MEX3A: variants seen among roughly 807,000 people sequenced by gnomAD.
The protein encoded by MEX3A is RNA-binding protein MEX3A.
MEX3A carries 4 observed loss-of-function variants against 30.0 expected under a neutral mutation model. The observed-to-expected ratio is 0.13, with a 90% CI of 0.07 to 0.30. The LOEUF is 0.30. Ranked by LOEUF, MEX3A falls within the 10% of genes least tolerant of loss-of-function variation. The pLI is 1.00. For missense variants in MEX3A, 555 were observed against 736.7 expected (o/e 0.75, Z 2.86); for synonymous variants, 335 against 327.6 (o/e 1.02, Z -0.24).
In MEX3A at chr1:156,076,745, G is replaced by C; in HGVS notation, c.1392C>G (p.Gly464=). The stretch of plus-strand genomic sequence containing the variant: ...AGCAGACCATGCAATCCCGCCCGCC[G>C]CCGGGGCTCCGCAGGCCGCCCCCAC... ...KLGGGGLRSP[G]GGRDCMVCFE... is the part of the protein sequence containing the mutation. The change falls in exon 2 of 2, where the codon GGC becomes GGG. Residue 464 remains glycine, a synonymous_variant. Coordinates refer to ENST00000532414, the MANE Select transcript of MEX3A (RefSeq NM_001093725.2). The surrounding 1 kb of genome is among the most constrained non-coding windows in gnomAD (Gnocchi z 6.0). 4 of 1,606,646 alleles carry C rather than the reference G, an allele frequency of 2.5e-6. No homozygotes were observed. The highest frequency in any genetic ancestry group is 3.4e-6 in the Non-Finnish European group (4 of 1,176,612).
intron 1 of MEX3A, among the ~76,000 whole-genome samples, chr1:156,080,207 G>A (rs1173592294): frequency 6.6e-6 from 1 of 152,088 alleles, no homozygotes; most frequent in African/African-American, 2.4e-5. Flanking sequence ...CCAGGGCTTT[G>A]GATCCCCAGT....
chr1:156,077,597 T>G lies in MEX3A; in HGVS notation c.540A>C (p.Thr180=). The change falls in exon 2 of 2, where the codon ACA becomes ACC. Residue 180 remains threonine (T), a synonymous_variant. Coordinates refer to ENST00000532414, the MANE Select transcript of MEX3A (RefSeq NM_001093725.2). This position sits in a 1 kb window ranked among gnomAD's most constrained non-coding sequence, Gnocchi z 8.3. The part of the protein sequence containing the change: ...VRGEEPVFMV[T]GRREDVATAR... ...CTGTGGCCACGTCCTCCCGTCGCCCTGTCACCATGAACACTGGTTCCTCGC... is the reference window on the plus strand; with the variant it reads ...CTGTGGCCACGTCCTCCCGTCGCCCGGTCACCATGAACACTGGTTCCTCGC... The G allele has an allele frequency of 6.2e-7, 1 of 1,611,312 alleles. No homozygotes were observed. Among genetic ancestry groups the G allele is most frequent in the East Asian group, 2.2e-5 (1 of 44,872 alleles).
chr1:156,076,886 C>T lies in MEX3A; in HGVS notation c.1251G>A (p.Lys417=). The change falls in exon 2 of 2, where the codon AAG becomes AAA. Residue 417 remains lysine (K), a synonymous_variant. Coordinates refer to ENST00000532414, the MANE Select transcript of MEX3A (RefSeq NM_001093725.2). This position sits in a 1 kb window ranked among gnomAD's most constrained non-coding sequence, Gnocchi z 6.0. ...GTGCGCCCGGGGGCCCAGCGCGGGCCTTGGCGGAAGAGGAGGAGGAGGAGG... is the reference window on the plus strand; with the variant it reads ...GTGCGCCCGGGGGCCCAGCGCGGGCTTTGGCGGAAGAGGAGGAGGAGGAGG... ...SASSSSSSSA[K]ARAGPPGAHR... The T allele has an allele frequency of 1.3e-6, 2 of 1,547,820 alleles. No homozygotes were observed. Among genetic ancestry groups the T allele is most frequent in the Non-Finnish European group, 1.7e-6 (2 of 1,146,698 alleles).
In MEX3A at chr1:156,076,386, A is replaced by T; in HGVS notation, c.*188T>A. On this transcript the variant is annotated 3_prime_UTR_variant, in exon 2 of 2. Transcript: ENST00000532414. The surrounding 1 kb of genome is among the most constrained non-coding windows in gnomAD (Gnocchi z 6.0). ...CTGGCCCCCTCCCAATCTTTCCAGG[A>T]CAGGGTGACCAGAGGCTCTGAAAGT... is the stretch of plus-strand genomic sequence containing the variant. 1 of 588,728 alleles carries T rather than the reference A, an allele frequency of 1.7e-6. No homozygotes were observed. Among genetic ancestry groups the T allele is most frequent in the Non-Finnish European group, 2.9e-6 (1 of 346,934 alleles). 36.5% of individuals were successfully genotyped at this position (588,728 alleles called of 1,614,324 possible).
chr1:156,078,207 CT>C (rs779261763), intron 1 of MEX3A, among the ~76,000 whole-genome samples: 3 of 152,116 alleles, frequency 2.0e-5, no homozygotes, highest in Admixed American at 6.6e-5. Flanking sequence ...TAAAAGTGTC[CT>C]CCAAACTACC....
chr1:156,078,113 C>T (rs990483613), intron 1 of MEX3A, among the ~76,000 whole-genome samples: 1 of 152,188 alleles, frequency 6.6e-6, no homozygotes, highest in African/African-American at 2.4e-5. Context: ...AATCACCCCC[C>T]ACATCTGTCA....
Position 156,076,943 on chromosome 1 carries a change from G to A in MEX3A, c.1194C>T (p.Ala398=), listed in dbSNP as rs1245721793. The change falls in exon 2 of 2, where the codon GCC becomes GCT. Residue 398 remains alanine (A), a synonymous_variant. Transcript: ENST00000532414. This position sits in a 1 kb window ranked among gnomAD's most constrained non-coding sequence, Gnocchi z 6.0. ...SPPLWAGQEN[A]TPTSVLFSSA... ...AGGAGAAGAGCACGGAGGTGGGCGTGGCGTTCTCCTGGCCCGCCCACAGCG... is the reference window on the plus strand; with the variant it reads ...AGGAGAAGAGCACGGAGGTGGGCGTAGCGTTCTCCTGGCCCGCCCACAGCG... The A allele has an allele frequency of 6.2e-7, 1 of 1,606,230 alleles. No individual in the cohort carries two copies. Among genetic ancestry groups the A allele is most frequent in the Non-Finnish European group, 8.5e-7 (1 of 1,176,398 alleles).
rs1345090953 is a variant in MEX3A, at chr1:156,082,093, G to A, written c.-95C>T. 1 of 266,940 alleles carries A rather than the reference G, an allele frequency of 3.7e-6. No homozygotes were observed. The highest frequency in any genetic ancestry group is 7.0e-6 in the Non-Finnish European group (1 of 143,550). The allele number at this position is 266,940 out of a possible 1,614,324, so 16.5% of individuals were successfully genotyped here. A position where few individuals can be genotyped will look rare whatever the true frequency, so the allele number is the denominator to read the frequency against. On this transcript the variant is annotated 5_prime_UTR_variant, in exon 1 of 2. Transcript: ENST00000532414. ...GAGAGGAGGGGAGGGGAGAGGAGAG[G>A]AGGGGGTGTGTGGGGAGGGGGGAAC...
In MEX3A at chr1:156,075,317, GTC is replaced by G. The variant is rs1648025992; in HGVS notation, c.*1255_*1256del. On this transcript the variant is annotated 3_prime_UTR_variant, in exon 2 of 2. Transcript: ENST00000532414. ...GGTCAGGTTGAGAGGGGTGCAGGGA[GTC>G]GGGCACTGCATGGGAGGAGCAGCTC... 3 of 152,382 alleles carry G rather than the reference GTC, an allele frequency of 2.0e-5. No individual in the cohort carries two copies. The highest frequency in any genetic ancestry group is 7.2e-5 in the African/African-American group (3 of 41,438). 9.4% of individuals were successfully genotyped at this position (152,382 alleles called of 1,614,324 possible). A position where few individuals can be genotyped will look rare whatever the true frequency, so the allele number is the denominator to read the frequency against.
At position 156,077,339 on chromosome 1, in the gene MEX3A, G is replaced by T; in HGVS notation, c.798C>A (p.Pro266=). The change falls in exon 2 of 2, where the codon CCC becomes CCA. Residue 266 remains proline (P), a synonymous_variant. Coordinates refer to ENST00000532414, the MANE Select transcript of MEX3A (RefSeq NM_001093725.2). This position sits in a 1 kb window ranked among gnomAD's most constrained non-coding sequence, Gnocchi z 8.3. ...CTGGGGCACCCGTGATCTCGAACAC[G>T]GGGTCGCGGTCACGGCTTGGTGTGA... ...YIITPSRDRD[P]VFEITGAPGN... The T allele has an allele frequency of 6.2e-7, 1 of 1,613,868 alleles. No individual in the cohort carries two copies.
In MEX3A at chr1:156,081,541, T is replaced by G. The variant is rs765912171; in HGVS notation, c.454+4A>C. ...CCTCTCAGTGGTCCCGGCGCCCCGC[T>G]TACCTTGCCTGCCCACGATCTCGGC... On this transcript the variant is annotated splice_donor_region_variant and intron_variant, in intron 1 of 1. Transcript: ENST00000532414. The G allele has an allele frequency of 6.2e-7, 1 of 1,603,930 alleles. No homozygotes were observed. The highest frequency in any genetic ancestry group is 8.5e-7 in the Non-Finnish European group (1 of 1,176,890).
At position 156,081,610 on chromosome 1, in the gene MEX3A, C is replaced by T; in HGVS notation, c.389G>A (p.Ser130Asn). ...KEAELRLKGS[S>N]NTTECVPVPT... ...CACGGGAACACACTCCGTGGTGTTG[C>T]TGCTGCCCTTCAGGCGCAGCTCGGC... Residue 130 changes from serine to asparagine, a missense_variant, in exon 1 of 2, where the codon AGC becomes AAC. Transcript: ENST00000532414. 6.3e-7 allele frequency: 1 copy of T among 1,582,918 alleles called. No homozygotes were observed. The highest frequency in any genetic ancestry group is 8.6e-7 in the Non-Finnish European group (1 of 1,167,102).
Position 156,072,562 on chromosome 1 carries a change from G to C in MEX3A, c.*4012C>G, listed in dbSNP as rs1479363693. 1 of 152,754 alleles carries C rather than the reference G, an allele frequency of 6.5e-6. No homozygotes were observed. The highest frequency in any genetic ancestry group is 2.4e-5 in the African/African-American group (1 of 41,428). The allele number at this position is 152,754 out of a possible 1,614,324, so 9.5% of individuals were successfully genotyped here. On this transcript the variant is annotated 3_prime_UTR_variant, in exon 2 of 2. Coordinates refer to ENST00000532414, the MANE Select transcript of MEX3A (RefSeq NM_001093725.2). Reference sequence around the variant, plus strand: ...CCCTCCAACCCCTTGGATAGGAGGGGAAGGCCCAGTGATTGCAAGCTGGGG... The same window carrying C: ...CCCTCCAACCCCTTGGATAGGAGGGCAAGGCCCAGTGATTGCAAGCTGGGG...
rs143845685 is a variant in MEX3A at position 156,076,945 on chromosome 1, C to T, written c.1192G>A (p.Ala398Thr). 5.9e-5 allele frequency: 95 copies of T among 1,606,522 alleles called. No homozygotes were observed. The highest frequency in any genetic ancestry group is 1.7e-4 in the Middle Eastern group (1 of 6,032). ...GAGAAGAGCACGGAGGTGGGCGTGG[C>T]GTTCTCCTGGCCCGCCCACAGCGGG... Reference protein sequence around the residue: ...SPPLWAGQENATPTSVLFSSA... With the variant: ...SPPLWAGQENTTPTSVLFSSA... Residue 398 changes from alanine (A) to threonine (T), a missense_variant, in exon 2 of 2, where the codon GCC (alanine) becomes ACC (threonine). Coordinates refer to ENST00000532414, the MANE Select transcript of MEX3A (RefSeq NM_001093725.2). This position sits in a 1 kb window ranked among gnomAD's most constrained non-coding sequence, Gnocchi z 6.0.
chr1:156,080,966 A>C (rs925686352), intron 1 of MEX3A, among the ~76,000 whole-genome samples: 2 of 152,042 alleles, frequency 1.3e-5, no homozygotes, highest in Non-Finnish European at 2.9e-5. Context: ...GGTGTGGGTG[A>C]CCACAGGACC....
At chr1:156,079,095 T>C (rs1648150265) in intron 1 of MEX3A, among the ~76,000 whole-genome samples, 1 of 152,178 alleles carries the variant, frequency 6.6e-6, no homozygotes, top group African/African-American at 2.4e-5. Context: ...CCCTCCAACC[T>C]GAGACCTGAG....
At position 156,077,186 on chromosome 1, in the gene MEX3A, G is replaced by A. The variant is rs939125089; in HGVS notation, c.951C>T (p.Tyr317=). ...GCTGGTGCACCCGCCAGGCGTCGGAGTAGCGGCTATCGATTGCTGCGTCGG... is the reference window on the plus strand; with the variant it reads ...GCTGGTGCACCCGCCAGGCGTCGGAATAGCGGCTATCGATTGCTGCGTCGG... ...GSPDAAIDSR[Y]SDAWRVHQPG... Residue 317 remains tyrosine (Y), a synonymous_variant, in exon 2 of 2, where the codon TAC becomes TAT. Coordinates refer to ENST00000532414, the MANE Select transcript of MEX3A (RefSeq NM_001093725.2). This position sits in a 1 kb window ranked among gnomAD's most constrained non-coding sequence, Gnocchi z 8.3. 2 of 1,613,556 alleles carry A rather than the reference G, an allele frequency of 1.2e-6. No individual in the cohort carries two copies. Among genetic ancestry groups the A allele is most frequent in the Admixed American group, 3.3e-5 (2 of 60,032 alleles).
Position 156,077,621 on chromosome 1 carries a change from G to A in MEX3A, c.516C>T (p.Gly172=). The A allele has an allele frequency of 1.9e-6, 3 of 1,608,148 alleles. No individual in the cohort carries two copies. Among genetic ancestry groups the A allele is most frequent in the Non-Finnish European group, 2.5e-6 (3 of 1,179,426 alleles). Reference sequence around the variant, plus strand: ...CTGTCACCATGAACACTGGTTCCTCGCCCCTCACCGGTGTCTTGATGTAGG... The same window carrying A: ...CTGTCACCATGAACACTGGTTCCTCACCCCTCACCGGTGTCTTGATGTAGG... ...TNTYIKTPVR[G]EEPVFMVTGR... The change falls in exon 2 of 2, where the codon GGC becomes GGT. Residue 172 remains glycine, a synonymous_variant. Transcript: ENST00000532414. This position sits in a 1 kb window ranked among gnomAD's most constrained non-coding sequence, Gnocchi z 8.3.
chr1:156,079,821 G>A (rs1648169594), intron 1 of MEX3A, among the ~76,000 whole-genome samples: 1 of 152,162 alleles, frequency 6.6e-6, no homozygotes, highest in African/African-American at 2.4e-5. Context: ...AGGAGGACAG[G>A]CCAAGGCATC....
Sources: allele counts gnomAD v4.1 joint callset (sites outside exome capture counted in the v4.1 genomes callset), GRCh38; gene constraint gnomAD v4.1.1; non-coding constraint Gnocchi (gnomAD v3.1); transcripts MANE v1.5; gene names NCBI Gene and HGNC (gene_info 2026-07-23, HGNC 2026-07-21).